AFAP1: variants seen among roughly 807,000 people sequenced by gnomAD.
AFAP1 encodes actin filament associated protein 1, also known as actin filament-associated protein 1.
Under a neutral mutation model 93.9 loss-of-function variants are expected in AFAP1, and 75 were observed. The observed-to-expected ratio is 0.80, with a 90% CI of 0.66 to 0.97. The LOEUF (loss-of-function observed/expected upper bound fraction) is 0.97. Ranked by LOEUF, AFAP1 falls within the 50% of genes least tolerant of loss-of-function variation. The pLI is 0.00. For synonymous variants in AFAP1, 517 were observed against 430.7 expected, an observed-to-expected ratio of 1.20 and a Z score of -2.48; for missense variants, 1,201 against 1,050.8, an observed-to-expected ratio of 1.14 and a Z score of -1.98.
At chr4:7,820,134 A>G (rs1028650714) in intron 6 of AFAP1, among the ~76,000 whole-genome samples, 3 of 152,182 alleles carry the variant, frequency 2.0e-5, no homozygotes, top group Non-Finnish European at 4.4e-5. Context: ...CTGAAGACAG[A>G]AGGACAGACA....
chr4:7,819,448 C>T (rs192235322), intron 6 of AFAP1, among the ~76,000 whole-genome samples: 4 of 152,284 alleles, frequency 2.6e-5, no homozygotes, highest in African/African-American at 7.2e-5. Flanking sequence ...ATTTATTTAT[C>T]GCCATGAACA....
intron 8 of AFAP1, 143 bp downstream of exon 8, chr4:7,815,875 T>C: frequency 1.6e-6 from 1 of 636,816 alleles, no homozygotes; most frequent in South Asian, 2.1e-5. Flanking sequence ...CCCATCAGTA[T>C]CCTCTGCCAT....
At chr4:7,937,301 C>T (rs1294554438) in intron 1 of AFAP1, among the ~76,000 whole-genome samples, 2 of 152,138 alleles carry the variant, frequency 1.3e-5, no homozygotes, top group Admixed American at 6.6e-5. Context: ...CAAAGGCTTC[C>T]GTTATTTACA....
At chr4:7,817,474 C>A (rs1362370700) in intron 7 of AFAP1, among the ~76,000 whole-genome samples, 1 of 152,078 alleles carries the variant, frequency 6.6e-6, no homozygotes, top group East Asian at 1.9e-4. Context: ...TGGTGGAATC[C>A]CAGTTACTCA....
chr4:7,917,283 C>G (rs1484440657), intron 1 of AFAP1, among the ~76,000 whole-genome samples: 1 of 152,088 alleles, frequency 6.6e-6, no homozygotes, highest in Admixed American at 6.5e-5. Context: ...GAAAGGATAT[C>G]CATGTAGACT....
At chr4:7,823,841 C>T (rs1721188311) in intron 6 of AFAP1, among the ~76,000 whole-genome samples, 2 of 152,312 alleles carry the variant, frequency 1.3e-5, no homozygotes, top group South Asian at 2.1e-4. Context: ...CCAGAGCAGG[C>T]CCAGGATCAA....
At position 7,836,287 on chromosome 4, in the gene AFAP1, G is replaced by A. The variant is rs554716647; in HGVS notation, c.726+2237C>T. ...CAACATGGACGGACCTTGAAAACAC[G>A]ACGCTAAATGAAAGAAGCCAGCCAC... On this transcript the variant is annotated intron_variant, in intron 6 of 17. Coordinates refer to ENST00000420658, the MANE Select transcript of AFAP1 (RefSeq NM_001134647.2). Among the ~76,000 whole-genome samples the A allele has an allele frequency of 3.9e-5, 6 of 152,284 alleles. No homozygotes were observed. The East Asian group carries it at 9.6e-4, about 24-fold the overall frequency.
At chr4:7,772,640 G>T in intron 16 of AFAP1, 180 bp downstream of exon 16, 1 of 598,754 alleles carries the variant, frequency 1.7e-6, no homozygotes, top group Non-Finnish European at 2.9e-6. Context: ...AGCATGTCAG[G>T]AACACAGGCC....
chr4:7,801,715 C>A (rs376269753), intron 9 of AFAP1, among the ~76,000 whole-genome samples: 1 of 150,950 alleles, frequency 6.6e-6, no homozygotes, highest in Middle Eastern at 3.5e-3. Context: ...CACACACATA[C>A]CCCTGCCTCA....
At chr4:7,815,729 T>A (rs1720410600) in intron 8 of AFAP1, among the ~76,000 whole-genome samples, 1 of 152,056 alleles carries the variant, frequency 6.6e-6, no homozygotes, top group Non-Finnish European at 1.5e-5. Flanking sequence ...AGTGAAGAAA[T>A]AACCAGCTGT....
chr4:7,889,690 GTTTT>G (rs377063737), intron 1 of AFAP1, among the ~76,000 whole-genome samples: 2,217 of 107,198 alleles, frequency 0.021, 22 homozygotes, highest in African/African-American at 0.023. Context: ...TCAATGAAGC[GTTTT>G]TTTTTTTTTT....
At chr4:7,937,384 C>A (rs1721447908) in intron 1 of AFAP1, among the ~76,000 whole-genome samples, 1 of 152,174 alleles carries the variant, frequency 6.6e-6, no homozygotes, top group Non-Finnish European at 1.5e-5. Flanking sequence ...TGAAAAGATT[C>A]TTAGAAATTA....
intron 9 of AFAP1, among the ~76,000 whole-genome samples, chr4:7,804,532 TACAGATGGAGGGGA>T (rs775326640): frequency 8.6e-5 from 13 of 151,788 alleles, no homozygotes; most frequent in South Asian, 2.1e-4. Context: ...AAACAAAAAA[TACAGATGGAGGGGA>T]ACAGATATAA....
chr4:7,803,729 A>C (rs985591158), intron 9 of AFAP1, among the ~76,000 whole-genome samples: 2 of 152,254 alleles, frequency 1.3e-5, no homozygotes, highest in African/African-American at 4.8e-5. Flanking sequence ...CCCTGACAGA[A>C]TCTGGCCAAG....
intron 14 of AFAP1, 59 bp downstream of exon 14, chr4:7,778,703 G>T: frequency 6.5e-7 from 1 of 1,541,320 alleles, no homozygotes; most frequent in Non-Finnish European, 9.0e-7. Flanking sequence ...GCTCAGACAG[G>T]CCCAGCTCCA....
chr4:7,831,622 G>A (rs1711628852), intron 6 of AFAP1, among the ~76,000 whole-genome samples: 1 of 152,168 alleles, frequency 6.6e-6, no homozygotes, highest in Non-Finnish European at 1.5e-5. Context: ...ACTCCAGGAT[G>A]ACTTCATGTC....
chr4:7,922,303 C>G (rs903186873), intron 1 of AFAP1, among the ~76,000 whole-genome samples: 2 of 152,140 alleles, frequency 1.3e-5, no homozygotes. Flanking sequence ...ACACACAGGA[C>G]TGCTGTGTAA....
At chr4:7,819,198 G>T in intron 6 of AFAP1, 27 bp from the exon 7 acceptor site, 1 of 1,582,372 alleles carries the variant, frequency 6.3e-7, no homozygotes, top group South Asian at 1.2e-5. Context: ...CACTTTGTGA[G>T]TATGCCCAAA....
intron 15 of AFAP1, 72 bp from the exon 16 acceptor site, chr4:7,773,082 T>TC: frequency 6.6e-7 from 1 of 1,513,558 alleles, no homozygotes. Flanking sequence ...AGGCACCTGG[T>TC]CCCCAAGAAG....
Sources: gnomAD v4.1 joint callset for allele counts (sites outside exome capture counted in the v4.1 genomes callset) on GRCh38, gnomAD v4.1.1 for gene constraint, MANE v1.5 for transcripts, NCBI Gene and HGNC (gene_info 2026-07-23, HGNC 2026-07-21) for gene names.